PCED1B: variants seen among roughly 807,000 people sequenced by gnomAD.
PCED1B encodes PC-esterase domain containing 1B.
For synonymous variants in PCED1B, 251 were observed against 246.1 expected (o/e 1.02, Z -0.19); for missense variants, 573 against 573.9 (o/e 1.00, Z 0.02).
At chr12:47,119,899 G>A (rs1237931728) in intron 2 of PCED1B, among the ~76,000 whole-genome samples, 2 of 151,814 alleles carry the variant, frequency 1.3e-5, no homozygotes, top group Non-Finnish European at 2.9e-5. Context: ...CCCAGGGGGC[G>A]GAGGTTACAT....
At position 47,167,418 on chromosome 12, in the gene PCED1B, G is replaced by C. The variant is rs79476915; in HGVS notation, c.-525-48804G>C. 2.6e-4 allele frequency among the ~76,000 whole-genome samples: 39 copies of C among 152,238 alleles called. No homozygotes were observed. The East Asian group carries it at 6.8e-3, about 26-fold the overall frequency. ...GGGCATTGTGGCTGTCTCTCCAACA[G>C]TCTTTCCTCAGATGATCACTCAAAG... is the stretch of plus-strand genomic sequence containing the variant. On this transcript the variant is annotated intron_variant, in intron 2 of 3. Transcript: ENST00000546455.
chr12:47,236,397 G>A lies in PCED1B; in HGVS notation c.*35G>A. On this transcript the variant is annotated 3_prime_UTR_variant, in exon 4 of 4. Transcript: ENST00000546455. ...GGCCTTATTTCCTCTTTATGAACAT[G>A]GATTGGACAGATCTGACACTTCCTT... 6.7e-7 allele frequency: 1 copy of A among 1,488,922 alleles called. No homozygotes were observed. The allele number at this position is 1,488,922 out of a possible 1,614,324, so 92.2% of individuals were successfully genotyped here. A position where few individuals can be genotyped will look rare whatever the true frequency, so the allele number is the denominator to read the frequency against.
intron 2 of PCED1B, among the ~76,000 whole-genome samples, chr12:47,170,246 A>C (rs942216828): frequency 6.6e-6 from 1 of 152,192 alleles, no homozygotes; most frequent in Non-Finnish European, 1.5e-5. Flanking sequence ...CCCAAGGCAG[A>C]AGAATTTTTC....
chr12:47,134,741 G>A (rs12297140), intron 2 of PCED1B, among the ~76,000 whole-genome samples: 2,706 of 152,214 alleles, frequency 0.018, 80 homozygotes, highest in African/African-American at 0.062. Flanking sequence ...GGTGGCGGGC[G>A]CCTGTAGTCC....
intron 2 of PCED1B, among the ~76,000 whole-genome samples, chr12:47,155,349 T>A (rs1941157671): frequency 6.6e-6 from 1 of 152,218 alleles, no homozygotes; most frequent in Non-Finnish European, 1.5e-5. Flanking sequence ...TGACACATTG[T>A]ATGTTGTGAG....
At chr12:47,219,355 A>G (rs1484736342) in intron 3 of PCED1B, among the ~76,000 whole-genome samples, 1 of 152,228 alleles carries the variant, frequency 6.6e-6, no homozygotes, top group Non-Finnish European at 1.5e-5. Context: ...AGTAAGCATT[A>G]GAGGTGGAAG....
chr12:47,151,440 C>T (rs1408924020), intron 2 of PCED1B, among the ~76,000 whole-genome samples: 1 of 152,274 alleles, frequency 6.6e-6, no homozygotes, highest in African/African-American at 2.4e-5. Context: ...GTGCAGTCTA[C>T]AATGTTCACA....
chr12:47,116,202 T>C (rs1385203229), intron 2 of PCED1B, among the ~76,000 whole-genome samples: 3 of 152,208 alleles, frequency 2.0e-5, no homozygotes, highest in Non-Finnish European at 4.4e-5. Flanking sequence ...AAAATTCATA[T>C]AAATATTTGC....
At chr12:47,167,119 A>G (rs753831742) in intron 2 of PCED1B, among the ~76,000 whole-genome samples, 4 of 152,172 alleles carry the variant, frequency 2.6e-5, no homozygotes, top group Non-Finnish European at 5.9e-5. Context: ...CCTCTTCTCC[A>G]TAAGGGAAAA....
chr12:47,189,337 T>A (rs1478223892), intron 2 of PCED1B, among the ~76,000 whole-genome samples: 1 of 152,222 alleles, frequency 6.6e-6, no homozygotes, highest in Admixed American at 6.5e-5. Flanking sequence ...ATGGCTTGGT[T>A]AGCAGAAGGC....
intron 2 of PCED1B, among the ~76,000 whole-genome samples, chr12:47,161,596 GAAA>G (rs1157095500): frequency 6.6e-6 from 1 of 152,154 alleles, no homozygotes; most frequent in African/African-American, 2.4e-5. Flanking sequence ...TGGCAATCAC[GAAA>G]AAGTCAGGGA....
intron 2 of PCED1B, among the ~76,000 whole-genome samples, chr12:47,111,845 T>A (rs1445166004): frequency 6.6e-6 from 1 of 152,090 alleles, no homozygotes; most frequent in African/African-American, 2.4e-5. Context: ...GAAAGTCACT[T>A]CTTCTCATGG....
chr12:47,229,795 AGTCTCTCTCT>A (rs1433708298), intron 3 of PCED1B, among the ~76,000 whole-genome samples: 1 of 151,142 alleles, frequency 6.6e-6, no homozygotes, highest in Non-Finnish European at 1.5e-5. Context: ...TTTGAGATGG[AGTCTCTCTCT>A]GTCACCCAGG....
At chr12:47,090,219 AATG>A (rs1938203804) in intron 1 of PCED1B, among the ~76,000 whole-genome samples, 2 of 152,184 alleles carry the variant, frequency 1.3e-5, no homozygotes, top group East Asian at 3.8e-4. Flanking sequence ...AATATGGTAG[AATG>A]ATGATCACAC....
At chr12:47,150,270 G>A (rs997458990) in intron 2 of PCED1B, among the ~76,000 whole-genome samples, 3 of 152,022 alleles carry the variant, frequency 2.0e-5, no homozygotes, top group African/African-American at 7.2e-5. Flanking sequence ...TCATATTCCT[G>A]TAACTAAGGC....
intron 3 of PCED1B, among the ~76,000 whole-genome samples, chr12:47,234,606 C>T (rs756792722): frequency 2.0e-5 from 3 of 152,196 alleles, no homozygotes; most frequent in African/African-American, 7.2e-5. Flanking sequence ...CATTATCTAA[C>T]AGTGGCATAG....
chr12:47,115,739 T>C (rs1292399950), intron 2 of PCED1B, among the ~76,000 whole-genome samples: 1 of 152,240 alleles, frequency 6.6e-6, no homozygotes, highest in African/African-American at 2.4e-5. Flanking sequence ...GACATGATGA[T>C]GGTCTATAGC....
chr12:47,088,119 T>A (rs918606218), intron 1 of PCED1B, among the ~76,000 whole-genome samples: 1 of 152,228 alleles, frequency 6.6e-6, no homozygotes, highest in Non-Finnish European at 1.5e-5. Flanking sequence ...TTGACTGAGA[T>A]GAAACATGTA....
At chr12:47,140,706 C>T (rs1034879775) in intron 2 of PCED1B, among the ~76,000 whole-genome samples, 3 of 151,990 alleles carry the variant, frequency 2.0e-5, no homozygotes, top group Non-Finnish European at 4.4e-5. Flanking sequence ...CAGAATTTTC[C>T]TTTAATCATA....
Sources: allele counts gnomAD v4.1 joint callset (sites outside exome capture counted in the v4.1 genomes callset), GRCh38; gene constraint gnomAD v4.1.1; transcripts MANE v1.5; gene names NCBI Gene and HGNC (gene_info 2026-07-23, HGNC 2026-07-21).